Variants in GGTLC1 observed in about 807,000 individuals in gnomAD.
GGTLC1 encodes the protein gamma-glutamyltransferase light chain 1.
Under a neutral mutation model 19.5 loss-of-function variants are expected in GGTLC1, and 14 were observed. The ratio of observed to expected loss-of-function variants is 0.72; its 90% CI spans 0.47 to 1.12. The LOEUF (loss-of-function observed/expected upper bound fraction) is 1.12. GGTLC1 is among the 50% of genes most tolerant of loss of function. The probability of loss-of-function intolerance (pLI) is 0.00; values close to 1 mark genes in which losing one functional copy is unlikely to be tolerated. For synonymous variants in GGTLC1, 110 were observed against 124.2 expected, an observed-to-expected ratio of 0.89 and a Z score of 0.76; for missense variants, 304 against 309.2, an observed-to-expected ratio of 0.98 and a Z score of 0.13.
In GGTLC1 at chr20:23,986,223, G is replaced by A; in HGVS notation, c.177-20C>T. On this transcript the variant is annotated intron_variant, in intron 2 of 5. Coordinates refer to ENST00000335694, the MANE Select transcript of GGTLC1 (RefSeq NM_178311.3). The stretch of plus-strand genomic sequence containing the variant: ...CCAAAGCTATCGCCCAGCCAGGTCA[G>A]ACAGTGCCCGACCTTGCCTGGCCCA... The A allele has an allele frequency of 1.3e-6, 2 of 1,599,886 alleles. No homozygotes were observed. Among genetic ancestry groups the A allele is most frequent in the Non-Finnish European group, 1.7e-6 (2 of 1,173,390 alleles).
At chr20:23,987,567 G>A (rs1266064152) in intron 1 of GGTLC1, among the ~76,000 whole-genome samples, 1 of 152,120 alleles carries the variant, frequency 6.6e-6, no homozygotes, top group South Asian at 2.1e-4. Context: ...ATAAGCATGG[G>A]TTCACGGGCA....
At chr20:23,987,938 C>G (rs1249283835) in intron 1 of GGTLC1, among the ~76,000 whole-genome samples, 1 of 131,164 alleles carries the variant, frequency 7.6e-6, no homozygotes, top group East Asian at 2.3e-4. Flanking sequence ...AGTCCCAACT[C>G]CAGAGGCTGA....
At chr20:23,986,274 G>A (rs1987906562) in intron 2 of GGTLC1, 71 bp from the exon 3 acceptor site, 15 of 1,595,244 alleles carry the variant, frequency 9.4e-6, no homozygotes, top group South Asian at 6.9e-5. Context: ...ACCCACTGAG[G>A]CTCAAACATA....
chr20:23,987,908 G>A lies in GGTLC1; in HGVS notation c.-35+701C>T, dbSNP rs1025047351. 4.8e-3 allele frequency among the ~76,000 whole-genome samples: 677 copies of A among 142,070 alleles called. 5 individuals are homozygous for A. The highest frequency in any genetic ancestry group is 0.018 in the African/African-American group (649 of 36,136). The allele number at this position is 142,070 out of a possible 152,430, so 93.2% of individuals were successfully genotyped here. A position where few individuals can be genotyped will look rare whatever the true frequency, so the allele number is the denominator to read the frequency against. ...ACTAAAAATACAAAAAATTAGCCGG[G>A]TGTGGTGGCGGGCGCCTGTAGTCCC... On this transcript the variant is annotated intron_variant, in intron 1 of 5. Transcript: ENST00000335694.
intron 2 of GGTLC1, 37 bp from the exon 3 acceptor site, chr20:23,986,240 C>A (rs1187785636): frequency 1.9e-6 from 3 of 1,593,474 alleles, no homozygotes; most frequent in Non-Finnish European, 2.6e-6. Flanking sequence ...CCCGACCTTG[C>A]CTGGCCCAGC....
chr20:23,985,250 T>C lies in GGTLC1; in HGVS notation c.644A>G (p.Asp215Gly). The change falls in exon 6 of 6, where the codon GAC (aspartate) becomes GGC (glycine). Residue 215 changes from aspartate (D) to glycine (G), a missense_variant. Coordinates refer to ENST00000335694, the MANE Select transcript of GGTLC1 (RefSeq NM_178311.3). ...RMAGGWAAAS[D>G]SRKGGEPAGY is the part of the protein sequence containing the mutation. ...AGCAGGTTCCCCACCTTTCCTGGAGTCCGAGGCAGCTGCCCAGCCACCAGC... is the reference window on the plus strand; with the variant it reads ...AGCAGGTTCCCCACCTTTCCTGGAGCCCGAGGCAGCTGCCCAGCCACCAGC... The C allele has an allele frequency of 2.5e-6, 4 of 1,611,932 alleles. No individual in the cohort carries two copies. Among genetic ancestry groups the C allele is most frequent in the Non-Finnish European group, 3.4e-6 (4 of 1,179,858 alleles).
rs1197474220 is a variant in GGTLC1 at position 23,985,882 on chromosome 20, T to A, written c.397A>T (p.Ile133Phe). ...CATACCAGTGCAGTGGCCATGGTGA[T>A]CTGCGTGCCCCCGGCAGCTCCCACC... ...MVVGAAGGTQ[I>F]TMATALAIIY... The change falls in exon 4 of 6, where the codon ATC becomes TTC. Residue 133 changes from isoleucine (I) to phenylalanine (F), a missense_variant. Ile to Phe is a conservative substitution (Grantham distance 21). Transcript: ENST00000335694. 1 of 1,612,018 alleles carries A rather than the reference T, an allele frequency of 6.2e-7. No individual in the cohort carries two copies.
In GGTLC1 at chr20:23,986,505, C is replaced by A. The variant is rs749631518; in HGVS notation, c.107G>T (p.Gly36Val). The change falls in exon 2 of 6, where the codon GGC (glycine) becomes GTC (valine). Residue 36 changes from glycine (G) to valine (V), a missense_variant. Transcript: ENST00000335694. ...KPEFYMPDDG[G>V]TAHLSVVAED... The stretch of plus-strand genomic sequence containing the variant: ...TGCGACCACAGACAGGTGAGCAGTG[C>A]CCCCGTCATCCGGCATGTAGAACTC... The A allele has an allele frequency of 2.5e-5, 41 of 1,609,606 alleles. No individual in the cohort carries two copies. The highest frequency in any genetic ancestry group is 3.5e-5 in the Non-Finnish European group (41 of 1,177,772).
At position 23,986,542 on chromosome 20, in the gene GGTLC1, A is replaced by G. The variant is rs1398930432; in HGVS notation, c.70T>C (p.Tyr24His). 2 of 1,611,172 alleles carry G rather than the reference A, an allele frequency of 1.2e-6. No homozygotes were observed. Among genetic ancestry groups the G allele is most frequent in the Non-Finnish European group, 1.7e-6 (2 of 1,179,634 alleles). ...ISDDTTHPIS[Y>H]YKPEFYMPDD... Reference sequence around the variant, plus strand: ...GGCATGTAGAACTCGGGCTTGTAGTAGGAGATCGGGTGAGTGGTGTCGTCA... The same window carrying G: ...GGCATGTAGAACTCGGGCTTGTAGTGGGAGATCGGGTGAGTGGTGTCGTCA... Residue 24 changes from tyrosine (Y) to histidine (H), a missense_variant, in exon 2 of 6, where the codon TAC (tyrosine) becomes CAC (histidine). Coordinates refer to ENST00000335694, the MANE Select transcript of GGTLC1 (RefSeq NM_178311.3).
Position 23,985,230 on chromosome 20 carries a change from G to T in GGTLC1, c.664C>A (p.Pro222Thr), listed in dbSNP as rs375961250. The T allele has an allele frequency of 1.8e-5, 29 of 1,611,914 alleles. No individual in the cohort carries two copies. Among genetic ancestry groups the T allele is most frequent in the South Asian group, 9.9e-5 (9 of 90,996 alleles). ...AASDSRKGGE[P>T]AGY ...GCCTGGAGCAATCAGTAGCCAGCAG[G>T]TTCCCCACCTTTCCTGGAGTCCGAG... is the stretch of plus-strand genomic sequence containing the variant. The change falls in exon 6 of 6, where the codon CCT becomes ACT. Residue 222 changes from proline (P) to threonine (T), a missense_variant. Physicochemically the swap from Pro to Thr is conservative, Grantham distance 38 (BLOSUM62 -1). Transcript: ENST00000335694.
In GGTLC1 at chr20:23,985,530, T is replaced by C. The variant is rs558041775; in HGVS notation, c.531+137A>G. On this transcript the variant is annotated intron_variant, in intron 5 of 5. Coordinates refer to ENST00000335694, the MANE Select transcript of GGTLC1 (RefSeq NM_178311.3). ...ATTGGAGCAAGGGGTTTGGCCCTCA[T>C]GGCACAGGGGCTCCAGATGGCCCAG... The C allele has an allele frequency of 3.3e-5, 53 of 1,587,898 alleles. No individual in the cohort carries two copies. In the African/African-American group the frequency reaches 6.6e-4, roughly 20 times the overall value.
chr20:23,986,551 G>T lies in GGTLC1; in HGVS notation c.61C>A (p.Pro21Thr). The change falls in exon 2 of 6, where the codon CCG (proline) becomes ACG (threonine). Residue 21 changes from proline (P) to threonine (T), a missense_variant. Pro to Thr is a conservative substitution (Grantham distance 38, BLOSUM62 -1). Transcript: ENST00000335694. ...AACTCGGGCTTGTAGTAGGAGATCG[G>T]GTGAGTGGTGTCGTCAGAGATCTGG... is the stretch of plus-strand genomic sequence containing the variant. ...RAQISDDTTH[P>T]ISYYKPEFYM... 6.2e-7 allele frequency: 1 copy of T among 1,611,370 alleles called. No homozygotes were observed. The highest frequency in any genetic ancestry group is 1.1e-5 in the South Asian group (1 of 90,932).
Position 23,985,278 on chromosome 20 carries a change from T to A in GGTLC1, c.616A>T (p.Met206Leu), listed in dbSNP as rs767072995. The change falls in exon 6 of 6, where the codon ATG (methionine) becomes TTG (leucine). Residue 206 changes from methionine to leucine, a missense_variant. By Grantham distance (15) the Met-to-Leu change is conservative. Coordinates refer to ENST00000335694, the MANE Select transcript of GGTLC1 (RefSeq NM_178311.3). ...GAGGCAGCTGCCCAGCCACCAGCCA[T>A]GCGGACGATGGCTTGCACCACAGCA... ...FIAVVQAIVR[M>L]AGGWAAASDS... is the part of the protein sequence containing the mutation. The A allele has an allele frequency of 9.3e-6, 15 of 1,612,018 alleles. No homozygotes were observed. Among genetic ancestry groups the A allele is most frequent in the Non-Finnish European group, 1.2e-5 (14 of 1,179,860 alleles).
chr20:23,986,898 A>G (rs1427404976), intron 1 of GGTLC1: 5 of 1,256,426 alleles, frequency 4.0e-6, no homozygotes, highest in South Asian at 1.6e-5. Flanking sequence ...CATGCAAAAA[A>G]TATTTCTAGA....
Position 23,986,626 on chromosome 20 carries a change from G to GCCGAGAC in GGTLC1, c.-22_-16dup. The GCCGAGAC allele has an allele frequency of 1.5e-6, 2 of 1,365,414 alleles. No homozygotes were observed. Among genetic ancestry groups the GCCGAGAC allele is most frequent in the Non-Finnish European group, 2.0e-6 (2 of 1,020,114 alleles). 84.6% of individuals were successfully genotyped at this position (1,365,414 alleles called of 1,614,324 possible). A position where few individuals can be genotyped will look rare whatever the true frequency, so the allele number is the denominator to read the frequency against. ...TCGGAGGTCATGTCGCGGACCACCT[G>GCCGAGAC]CCGAGACCCCAGAGCTGGCCTAGGG... On this transcript the variant is annotated 5_prime_UTR_variant, in exon 2 of 6. Coordinates refer to ENST00000335694, the MANE Select transcript of GGTLC1 (RefSeq NM_178311.3).
rs1233499328 is a variant in GGTLC1, at chr20:23,985,153, C to A, written c.*63G>T. ...GGAGAAGCCTGTCCCCCAAAGTCCT[C>A]TTCCTCGTCCTGGTGAGTATTTTGT... On this transcript the variant is annotated 3_prime_UTR_variant, in exon 6 of 6. Transcript: ENST00000335694. 20 of 1,609,130 alleles carry A rather than the reference C, an allele frequency of 1.2e-5. No homozygotes were observed.
chr20:23,985,733 C>T lies in GGTLC1; in HGVS notation c.465G>A (p.Val155=). The change falls in exon 5 of 6, where the codon GTG becomes GTA. Residue 155 remains valine, a synonymous_variant. Transcript: ENST00000335694. ...GCTGGTTGTGCAGCCGGGGCTCCTC[C>T]ACGGCCCACTTCACGTCATAGCCGA... ...LWFGYDVKWA[V]EEPRLHNQLL... The T allele has an allele frequency of 6.2e-7, 1 of 1,612,054 alleles. No individual in the cohort carries two copies. The highest frequency in any genetic ancestry group is 8.5e-7 in the Non-Finnish European group (1 of 1,179,870).
intron 1 of GGTLC1, among the ~76,000 whole-genome samples, chr20:23,987,107 A>G (rs1388428915): frequency 1.3e-5 from 2 of 152,278 alleles, no homozygotes; most frequent in Admixed American, 1.3e-4. Flanking sequence ...AGAGCCTGGA[A>G]TGTGGCCTAA....
intron 1 of GGTLC1, among the ~76,000 whole-genome samples, chr20:23,988,357 T>C (rs1233770555): frequency 1.3e-5 from 2 of 151,272 alleles, no homozygotes; most frequent in Non-Finnish European, 2.9e-5. Context: ...CTTTTTTTTC[T>C]TTTTCTTTAT....
Sources: gnomAD v4.1 joint callset for allele counts (sites outside exome capture counted in the v4.1 genomes callset) on GRCh38, gnomAD v4.1.1 for gene constraint, MANE v1.5 for transcripts, NCBI Gene and HGNC (gene_info 2026-07-23, HGNC 2026-07-21) for gene names.